NRG1: variants seen among roughly 807,000 people sequenced by gnomAD.
The protein encoded by NRG1 is neuregulin 1.
NRG1 carries 18 observed loss-of-function variants against 63.8 expected under a neutral mutation model. That is an observed-to-expected ratio of 0.28 (90% confidence interval 0.19 to 0.42). The LOEUF (loss-of-function observed/expected upper bound fraction) is 0.42, where lower values mean the gene tolerates loss of function less well. Among genes scored for constraint, NRG1 ranks in the 10% least tolerant of loss-of-function variants. NRG1 has a pLI of 1.00. For synonymous variants in NRG1, 302 were observed against 301.3 expected (o/e 1.00, Z -0.02); for missense variants, 762 against 814.7 (o/e 0.94, Z 0.79).
chr8:31,779,803 A>G (rs1819503558), intron 1 of NRG1, among the ~76,000 whole-genome samples: 1 of 152,232 alleles, frequency 6.6e-6, no homozygotes, highest in Admixed American at 6.5e-5. Context: ...TCAGTTTTCT[A>G]TTATATAAAA....
chr8:31,984,758 G>A (rs1298699926), intron 1 of NRG1, among the ~76,000 whole-genome samples: 2 of 152,044 alleles, frequency 1.3e-5, no homozygotes, highest in Admixed American at 1.3e-4. Context: ...TTCGTTCACT[G>A]GTCTTTCATC....
chr8:32,128,232 A>G (rs766916353), intron 1 of NRG1, among the ~76,000 whole-genome samples: 8 of 152,054 alleles, frequency 5.3e-5, no homozygotes, highest in Admixed American at 2.0e-4. Context: ...GAAGAGTCCC[A>G]GCAGGCCCTC....
chr8:32,185,202 A>T (rs1387832311), intron 1 of NRG1, among the ~76,000 whole-genome samples: 1 of 152,180 alleles, frequency 6.6e-6, no homozygotes. Flanking sequence ...TCAGTACTTG[A>T]GGCATTAACC....
intron 1 of NRG1, among the ~76,000 whole-genome samples, chr8:32,058,865 A>G (rs895314149): frequency 1.3e-5 from 2 of 151,948 alleles, no homozygotes; most frequent in African/African-American, 4.8e-5. Context: ...CGCTTTCCCC[A>G]ACTTCTTCTC....
intron 1 of NRG1, among the ~76,000 whole-genome samples, chr8:32,062,237 T>C (rs1586822663): frequency 6.6e-6 from 1 of 152,214 alleles, no homozygotes; most frequent in South Asian, 2.1e-4. Context: ...CCAACCTTTC[T>C]TCAGAGCAGA....
At chr8:31,806,854 G>A (rs1822337289) in intron 1 of NRG1, among the ~76,000 whole-genome samples, 1 of 152,172 alleles carries the variant, frequency 6.6e-6, no homozygotes, top group Non-Finnish European at 1.5e-5. Flanking sequence ...AAAGATGCCT[G>A]TCATCAATTT....
intron 1 of NRG1, among the ~76,000 whole-genome samples, chr8:31,850,344 G>C (rs891519137): frequency 6.6e-6 from 1 of 152,142 alleles, no homozygotes; most frequent in Non-Finnish European, 1.5e-5. Context: ...TGTTGTGTCT[G>C]CTTTTAATTC....
At chr8:32,555,335 CA>C (rs1239784518) in intron 1 of NRG1, among the ~76,000 whole-genome samples, 1 of 152,212 alleles carries the variant, frequency 6.6e-6, no homozygotes, top group Non-Finnish European at 1.5e-5. Flanking sequence ...TTTACTAACA[CA>C]TTTGTTTTCA....
chr8:31,678,734 A>G (rs1045670125), intron 1 of NRG1, among the ~76,000 whole-genome samples: 1 of 148,204 alleles, frequency 6.7e-6, no homozygotes, highest in African/African-American at 2.4e-5. Context: ...AAATATTTAT[A>G]TTATTAAATT....
At chr8:32,368,742 T>A (rs892885466) in intron 1 of NRG1, among the ~76,000 whole-genome samples, 1 of 152,210 alleles carries the variant, frequency 6.6e-6, no homozygotes, top group African/African-American at 2.4e-5. Context: ...AAATTGAGGT[T>A]TGTGTCCTTG....
chr8:32,553,051 A>G (rs1318172381), intron 1 of NRG1, among the ~76,000 whole-genome samples: 1 of 152,220 alleles, frequency 6.6e-6, no homozygotes, highest in Non-Finnish European at 1.5e-5. Context: ...GCAAGATGCC[A>G]GATGGCCTAG....
At chr8:32,238,180 G>A (rs556167616) in intron 1 of NRG1, among the ~76,000 whole-genome samples, 4 of 152,158 alleles carry the variant, frequency 2.6e-5, no homozygotes, top group African/African-American at 9.6e-5. Flanking sequence ...CTTTAGGAGG[G>A]GGCCAGGCGT....
chr8:31,762,194 T>C (rs1817630809), intron 1 of NRG1, among the ~76,000 whole-genome samples: 1 of 151,686 alleles, frequency 6.6e-6, no homozygotes, highest in African/African-American at 2.4e-5. Context: ...ACCAGTCCTC[T>C]AAGTTCCCTT....
chr8:32,281,132 AT>A (rs1852770684), intron 1 of NRG1, among the ~76,000 whole-genome samples: 1 of 132,546 alleles, frequency 7.5e-6, no homozygotes, highest in Non-Finnish European at 1.6e-5. Context: ...TGTACAAATT[AT>A]TTTGTTACCC....
chr8:32,592,118 T>C (rs1311318410), intron 1 of NRG1, among the ~76,000 whole-genome samples: 1 of 150,784 alleles, frequency 6.6e-6, no homozygotes, highest in Non-Finnish European at 1.5e-5. Context: ...TTTTTTTTTT[T>C]CCTCTGTATG....
intron 1 of NRG1, among the ~76,000 whole-genome samples, chr8:32,134,036 A>C (rs1384353030): frequency 1.3e-5 from 2 of 152,150 alleles, no homozygotes; most frequent in African/African-American, 4.8e-5. Flanking sequence ...TCTGCCAAGC[A>C]GTGGTGCCCA....
intron 1 of NRG1, among the ~76,000 whole-genome samples, chr8:32,032,869 G>A (rs1818478165): frequency 6.6e-6 from 1 of 152,060 alleles, no homozygotes; most frequent in Non-Finnish European, 1.5e-5. Context: ...AAATGGTATT[G>A]CCTAGATTTT....
intron 5 of NRG1, among the ~76,000 whole-genome samples, chr8:32,716,901 T>G (rs1819382802): frequency 6.6e-6 from 1 of 152,042 alleles, no homozygotes; most frequent in Non-Finnish European, 1.5e-5. Flanking sequence ...TTTTTAATAT[T>G]ATGTAATGTA....
intron 1 of NRG1, among the ~76,000 whole-genome samples, chr8:32,467,275 G>C (rs1031288237): frequency 6.6e-6 from 1 of 152,080 alleles, no homozygotes; most frequent in Non-Finnish European, 1.5e-5. Flanking sequence ...GCAGTTATTT[G>C]GCAAAGTGAT....
Sources: allele counts gnomAD v4.1 joint callset (sites outside exome capture counted in the v4.1 genomes callset), GRCh38; gene constraint gnomAD v4.1.1; transcripts MANE v1.5; gene names NCBI Gene and HGNC (gene_info 2026-07-23, HGNC 2026-07-21).